The following WDR59 variants were observed in gnomAD, a reference collection of about 807,000 sequenced individuals.
The protein encoded by WDR59 is GATOR2 complex protein WDR59.
Under a neutral mutation model 131.2 loss-of-function variants are expected in WDR59, and 100 were observed. The observed-to-expected ratio is 0.76, with a 90% CI of 0.65 to 0.90. The LOEUF (loss-of-function observed/expected upper bound fraction) is 0.90, where lower values mean the gene tolerates loss of function less well. WDR59 is among the 40% of genes least tolerant of loss of function. The pLI, the probability that WDR59 is intolerant of heterozygous loss-of-function variation, is 0.00. For synonymous variants in WDR59, 601 were observed against 466.2 expected (o/e 1.29, Z -3.72); for missense variants, 1,203 against 1,262.2 (o/e 0.95, Z 0.71).
intron 18 of WDR59, chr16:74,899,864 A>G (rs967503257): frequency 1.4e-5 from 11 of 778,886 alleles, no homozygotes; most frequent in African/African-American, 5.4e-5. Flanking sequence ...ATGGATTCCA[A>G]TGTACCATAA....
intron 1 of WDR59, among the ~76,000 whole-genome samples, chr16:74,978,815 G>C (rs895612671): frequency 2.6e-5 from 4 of 152,104 alleles, no homozygotes; most frequent in African/African-American, 9.7e-5. Context: ...CTACTGTGAG[G>C]GAAGAGTTGT....
chr16:74,927,683 A>G (rs10578216), intron 8 of WDR59, among the ~76,000 whole-genome samples: 1 of 118,180 alleles, frequency 8.5e-6, no homozygotes, highest in African/African-American at 3.1e-5. Flanking sequence ...CTCTTTAAAA[A>G]ACACACACAC....
At chr16:74,962,451 C>T (rs1279543773) in intron 2 of WDR59, among the ~76,000 whole-genome samples, 3 of 152,122 alleles carry the variant, frequency 2.0e-5, no homozygotes, top group African/African-American at 7.2e-5. Flanking sequence ...TCTGTCCTCT[C>T]TGATTTCCTT....
intron 11 of WDR59, among the ~76,000 whole-genome samples, chr16:74,917,336 G>A (rs1026084963): frequency 1.3e-5 from 2 of 152,146 alleles, no homozygotes; most frequent in South Asian, 2.1e-4. Context: ...AGAAAGAAAT[G>A]AACCCACAGG....
chr16:74,892,473 ATG>A lies in WDR59; in HGVS notation c.2082+9_2082+10del, dbSNP rs1276818825. The A allele has an allele frequency of 1.2e-6, 2 of 1,610,846 alleles. No homozygotes were observed. Among genetic ancestry groups the A allele is most frequent in the Admixed American group, 3.4e-5 (2 of 59,596 alleles). ...AAAATCCAAATCTCCACCAAAAGGG[ATG>A]GACAATACCTGGACAAGATCCTTTC... On this transcript the variant is annotated intron_variant, in intron 20 of 25. Transcript: ENST00000262144.
chr16:74,970,212 T>C (rs920310458), intron 1 of WDR59, among the ~76,000 whole-genome samples: 8 of 152,154 alleles, frequency 5.3e-5, no homozygotes, highest in Non-Finnish European at 8.8e-5. Context: ...GGTATGTAGC[T>C]TTATTTTTGT....
rs549766109 is a variant in WDR59, at chr16:74,910,666, G to C, written c.1390-749C>G. Among the ~76,000 whole-genome samples the C allele has an allele frequency of 1.3e-4, 20 of 152,304 alleles. No individual in the cohort carries two copies. The East Asian group carries it at 3.9e-3, about 29-fold the overall frequency. On this transcript the variant is annotated intron_variant, in intron 14 of 25. Transcript: ENST00000262144. Reference sequence around the variant, plus strand: ...AATGTATATTTTTTGTCCTTCAAAAGTATAAATCCTAACACTTTAAACCCA... The same window carrying C: ...AATGTATATTTTTTGTCCTTCAAAACTATAAATCCTAACACTTTAAACCCA...
At chr16:74,943,164 C>G (rs1426703910) in intron 6 of WDR59, among the ~76,000 whole-genome samples, 1 of 151,922 alleles carries the variant, frequency 6.6e-6, no homozygotes, top group African/African-American at 2.4e-5. Context: ...TGTCACACAA[C>G]CTGACCCTTT....
intron 10 of WDR59, among the ~76,000 whole-genome samples, chr16:74,920,525 G>A (rs567872725): frequency 3.3e-4 from 50 of 152,074 alleles, no homozygotes; most frequent in African/African-American, 1.1e-3. Context: ...CTCAGCCTCC[G>A]AAGTAGCTGG....
At position 74,922,061 on chromosome 16, in the gene WDR59, G is replaced by A. The variant is rs200555340; in HGVS notation, c.772C>T (p.Arg258Trp). Residue 258 changes from arginine to tryptophan, a missense_variant, in exon 10 of 26, where the codon CGG (arginine) becomes TGG (tryptophan). Coordinates refer to ENST00000262144, the MANE Select transcript of WDR59 (RefSeq NM_030581.4). ...GLVTVMVPQL[R>W]RENSLLLWNV... ...CACAGGAGAAGGCTGTTTTCCCTCCGCAGCTGGGGAACCATCACAGTCACC... is the reference window on the plus strand; with the variant it reads ...CACAGGAGAAGGCTGTTTTCCCTCCACAGCTGGGGAACCATCACAGTCACC... 3.8e-5 allele frequency: 62 copies of A among 1,614,012 alleles called. No homozygotes were observed. The highest frequency in any genetic ancestry group is 4.7e-5 in the Non-Finnish European group (56 of 1,180,026).
intron 1 of WDR59, among the ~76,000 whole-genome samples, chr16:74,980,356 CTTTTTT>C (rs35672894): frequency 7.5e-6 from 1 of 132,570 alleles, no homozygotes; most frequent in African/African-American, 2.7e-5. Flanking sequence ...AAATCTAAGT[CTTTTTT>C]TTTTTTTTTT....
At chr16:74,940,095 C>T (rs115899854) in intron 7 of WDR59, among the ~76,000 whole-genome samples, 2,463 of 152,178 alleles carry the variant, frequency 0.016, 72 homozygotes, top group African/African-American at 0.056. Flanking sequence ...ATAGCACACA[C>T]TGGCCAGGCG....
At chr16:74,878,720 C>A (rs1964335701) in intron 25 of WDR59, among the ~76,000 whole-genome samples, 1 of 152,170 alleles carries the variant, frequency 6.6e-6, no homozygotes, top group South Asian at 2.1e-4. Context: ...AATAACCTTA[C>A]AAACATTTTA....
intron 2 of WDR59, among the ~76,000 whole-genome samples, chr16:74,960,015 A>T (rs367703400): frequency 3.3e-4 from 50 of 151,948 alleles, no homozygotes; most frequent in Middle Eastern, 3.4e-3. Flanking sequence ...TTTTTTTTTT[A>T]AATCTGAAAG....
At chr16:74,924,404 T>C (rs1055378279) in intron 8 of WDR59, among the ~76,000 whole-genome samples, 4 of 152,248 alleles carry the variant, frequency 2.6e-5, no homozygotes, top group Admixed American at 2.6e-4. Context: ...AGAACTTTTT[T>C]TTCCCATTTA....
chr16:74,879,521 T>A (rs879870378), intron 25 of WDR59, among the ~76,000 whole-genome samples: 56 of 152,176 alleles, frequency 3.7e-4, no homozygotes, highest in Non-Finnish European at 7.5e-4. Context: ...AGAACAAGAA[T>A]TACTTAGCAG....
intron 4 of WDR59, 159 bp from the exon 5 acceptor site, chr16:74,949,957 G>C: frequency 1.4e-6 from 1 of 719,436 alleles, no homozygotes; most frequent in Non-Finnish European, 2.5e-6. Context: ...CCTTGGGAAC[G>C]AACATGAGTT....
At chr16:74,898,035 T>G (rs1314076644) in intron 18 of WDR59, among the ~76,000 whole-genome samples, 4 of 152,170 alleles carry the variant, frequency 2.6e-5, no homozygotes, top group African/African-American at 9.7e-5. Flanking sequence ...TCAGGGTATT[T>G]TCCCCAGTGC....
At chr16:74,927,683 A>ACACACACACACACACAC (rs568799728) in intron 8 of WDR59, among the ~76,000 whole-genome samples, 1 of 118,248 alleles carries the variant, frequency 8.5e-6, no homozygotes, top group Admixed American at 8.1e-5. Flanking sequence ...CTCTTTAAAA[A>ACACACACACACACACAC]ACACACACAC....
Sources: allele counts gnomAD v4.1 joint callset (sites outside exome capture counted in the v4.1 genomes callset), GRCh38; gene constraint gnomAD v4.1.1; transcripts MANE v1.5; gene names NCBI Gene and HGNC (gene_info 2026-07-23, HGNC 2026-07-21).